The following MBNL1 variants were observed in gnomAD, a reference collection of about 807,000 sequenced individuals.
MBNL1 encodes the protein muscleblind-like protein 1.
Under a neutral mutation model 42.2 loss-of-function variants are expected in MBNL1, and 8 were observed. That is an observed-to-expected ratio of 0.19 (90% confidence interval 0.11 to 0.34). MBNL1 has a LOEUF of 0.34. Ranked by LOEUF, MBNL1 falls within the 10% of genes least tolerant of loss-of-function variation. The probability of loss-of-function intolerance (pLI) is 1.00; values close to 1 mark genes in which losing one functional copy is unlikely to be tolerated. For missense variants in MBNL1, 309 were observed against 495.3 expected, an observed-to-expected ratio of 0.62 and a Z score of 3.57; for synonymous variants, 169 against 173.9, an observed-to-expected ratio of 0.97 and a Z score of 0.22.
rs533198475 is a variant in MBNL1 at position 152,458,005 on chromosome 3, A to G, written c.1093-1266A>G. On this transcript the variant is annotated intron_variant, in intron 8 of 9. Transcript: ENST00000324210. ...CATATACATACATATGTATATGCCT[A>G]CAGTACATTAGCAATGCTGGAAATA... is the stretch of plus-strand genomic sequence containing the variant. 2.7e-4 allele frequency: 184 copies of G among 692,624 alleles called. 3 individuals carry two copies. In the South Asian group the frequency reaches 2.9e-3, roughly 11 times the overall value. The allele number at this position is 692,624 out of a possible 1,614,324, so 42.9% of individuals were successfully genotyped here.
intron 2 of MBNL1, among the ~76,000 whole-genome samples, chr3:152,378,526 T>C (rs2097024228): frequency 1.3e-5 from 2 of 152,202 alleles, no homozygotes; most frequent in African/African-American, 4.8e-5. Context: ...CTGGTATTTA[T>C]GTAATAGCTA....
At chr3:152,443,154 A>C (rs1414187640) in intron 4 of MBNL1, among the ~76,000 whole-genome samples, 5 of 145,624 alleles carry the variant, frequency 3.4e-5, no homozygotes, top group Non-Finnish European at 5.9e-5. Flanking sequence ...ATGAAATTAT[A>C]ATAAACCAAT....
At chr3:152,345,329 C>T (rs2094062506) in intron 2 of MBNL1, among the ~76,000 whole-genome samples, 3 of 151,988 alleles carry the variant, frequency 2.0e-5, no homozygotes, top group Admixed American at 2.0e-4. Flanking sequence ...TATTTTACTC[C>T]TTTAAAAGCG....
At chr3:152,286,443 TTTTA>T (rs1216305000) in intron 1 of MBNL1, among the ~76,000 whole-genome samples, 1 of 82,754 alleles carries the variant, frequency 1.2e-5, no homozygotes, top group East Asian at 4.2e-4. Context: ...AATATTTATA[TTTTA>T]TTTATAATAT....
rs1748420964 is a variant in MBNL1, at chr3:152,463,228, A to G, written c.*862A>G. ...TAGACAGCACAACACAAACTCTCTCAATACAGATAAACTCACACATACTGG... is the reference window on the plus strand; with the variant it reads ...TAGACAGCACAACACAAACTCTCTCGATACAGATAAACTCACACATACTGG... On this transcript the variant is annotated 3_prime_UTR_variant, in exon 10 of 10. Transcript: ENST00000324210. The G allele has an allele frequency of 6.6e-6, 1 of 151,156 alleles. No homozygotes were observed. The highest frequency in any genetic ancestry group is 2.4e-5 in the African/African-American group (1 of 41,178). 9.4% of individuals were successfully genotyped at this position (151,156 alleles called of 1,614,324 possible). A position where few individuals can be genotyped will look rare whatever the true frequency, so the allele number is the denominator to read the frequency against.
intron 2 of MBNL1, among the ~76,000 whole-genome samples, chr3:152,406,107 T>C (rs865926615): frequency 6.6e-6 from 1 of 152,172 alleles, no homozygotes; most frequent in African/African-American, 2.4e-5. Context: ...ATAGAGACTC[T>C]GGTTTGGCTC....
At chr3:152,260,901 A>C (rs1368149022) in intron 2 of MBNL1, among the ~76,000 whole-genome samples, 1 of 152,020 alleles carries the variant, frequency 6.6e-6, no homozygotes, top group Non-Finnish European at 1.5e-5. Context: ...GCTAGTCCTA[A>C]CTCCCTCATT....
intron 2 of MBNL1, among the ~76,000 whole-genome samples, chr3:152,393,758 G>A (rs2097813552): frequency 6.6e-6 from 1 of 152,132 alleles, no homozygotes; most frequent in South Asian, 2.1e-4. Context: ...ATAAATATGA[G>A]TATTAACAAC....
At chr3:152,406,648 G>A (rs2098436266) in intron 2 of MBNL1, among the ~76,000 whole-genome samples, 1 of 151,908 alleles carries the variant, frequency 6.6e-6, no homozygotes, top group South Asian at 2.1e-4. Context: ...AGGTTCTCTG[G>A]GGAAAAAAAA....
chr3:152,254,981 A>G (rs1201651229), intron 2 of MBNL1, among the ~76,000 whole-genome samples: 1 of 152,188 alleles, frequency 6.6e-6, no homozygotes, highest in East Asian at 1.9e-4. Flanking sequence ...TCATATTTAT[A>G]TATGGCCTAT....
chr3:152,340,479 A>C, intron 2 of MBNL1: 1 of 1,523,594 alleles, frequency 6.6e-7, no homozygotes, highest in Non-Finnish European at 8.8e-7. Flanking sequence ...GTGAATTTAT[A>C]GACTTATTTC....
chr3:152,423,825 CA>C (rs2098845626), intron 3 of MBNL1, among the ~76,000 whole-genome samples: 1 of 152,104 alleles, frequency 6.6e-6, no homozygotes, highest in Non-Finnish European at 1.5e-5. Context: ...GAACCAATGA[CA>C]AAAACCACAT....
Position 152,319,372 on chromosome 3 carries a change from G to A in MBNL1, c.174+19005G>A, listed in dbSNP as rs529856530. Among the ~76,000 whole-genome samples the A allele has an allele frequency of 9.2e-5, 14 of 152,118 alleles. No homozygotes were observed. The South Asian group carries it at 2.9e-3, about 32-fold the overall frequency. ...TGCAGTTCATTAGTTTTACAGATAGGGAACCAAGGAGTGGTGAGGTTAGGG... is the reference window on the plus strand; with the variant it reads ...TGCAGTTCATTAGTTTTACAGATAGAGAACCAAGGAGTGGTGAGGTTAGGG... On this transcript the variant is annotated intron_variant, in intron 2 of 9. Coordinates refer to ENST00000324210, the MANE Select transcript of MBNL1 (RefSeq NM_021038.5).
intron 4 of MBNL1, among the ~76,000 whole-genome samples, chr3:152,434,723 C>T (rs937179004): frequency 8.6e-5 from 13 of 152,008 alleles, no homozygotes; most frequent in African/African-American, 3.1e-4. Flanking sequence ...TATTTTTTGA[C>T]TTTTTAATAA....
At chr3:152,407,646 G>T (rs965675801) in intron 2 of MBNL1, among the ~76,000 whole-genome samples, 1 of 152,096 alleles carries the variant, frequency 6.6e-6, no homozygotes, top group African/African-American at 2.4e-5. Flanking sequence ...ACTTATTTAG[G>T]TTAAAGAGTC....
chr3:152,402,723 GA>G (rs1419775790), intron 2 of MBNL1, among the ~76,000 whole-genome samples: 1 of 151,766 alleles, frequency 6.6e-6, no homozygotes, highest in Non-Finnish European at 1.5e-5. Flanking sequence ...TTTGAATGAA[GA>G]AAAAAATGGG....
At chr3:152,427,551 G>A (rs1313348713) in intron 3 of MBNL1, among the ~76,000 whole-genome samples, 1 of 151,994 alleles carries the variant, frequency 6.6e-6, no homozygotes, top group Non-Finnish European at 1.5e-5. Flanking sequence ...ACTGTGCCTG[G>A]CCCTGCTTTC....
At chr3:152,306,625 TTTTA>T (rs1176083282) in intron 2 of MBNL1, among the ~76,000 whole-genome samples, 1 of 152,188 alleles carries the variant, frequency 6.6e-6, no homozygotes, top group Non-Finnish European at 1.5e-5. Flanking sequence ...TTTGTTTTGT[TTTTA>T]TTTATTATTA....
rs80333523 is a variant in MBNL1, at chr3:152,361,266, A to G, written c.175-53675A>G. Among the ~76,000 whole-genome samples, 91 of 152,176 alleles carry G rather than the reference A, an allele frequency of 6.0e-4. 2 individuals are homozygous for G. In the East Asian group the frequency reaches 0.012, roughly 20 times the overall value. On this transcript the variant is annotated intron_variant, in intron 2 of 9. Transcript: ENST00000324210. ...AAGAATCTCATCTCACATGAGAGAC[A>G]GAAGATTATCCAAGAAAGCAGTGGA...
Sources: allele counts gnomAD v4.1 joint callset (sites outside exome capture counted in the v4.1 genomes callset), GRCh38; gene constraint gnomAD v4.1.1; transcripts MANE v1.5; gene names NCBI Gene and HGNC (gene_info 2026-07-23, HGNC 2026-07-21).